Variants in CNTNAP2 observed in about 807,000 individuals in gnomAD.
CNTNAP2 encodes contactin-associated protein-like 2.
Under a neutral mutation model 155.2 loss-of-function variants are expected in CNTNAP2, and 98 were observed. The observed-to-expected ratio is 0.63, with a 90% CI of 0.54 to 0.75. CNTNAP2 has a LOEUF of 0.75. CNTNAP2 is among the 30% of genes least tolerant of loss of function. CNTNAP2 has a pLI of 0.00. For synonymous variants in CNTNAP2, 651 were observed against 631.2 expected (o/e 1.03, Z -0.47); for missense variants, 1,727 against 1,688.1 (o/e 1.02, Z -0.40).
chr7:147,626,049 T>C (rs537388813), intron 12 of CNTNAP2, among the ~76,000 whole-genome samples: 1 of 152,150 alleles, frequency 6.6e-6, no homozygotes, highest in Admixed American at 6.5e-5. Context: ...TCTGATGATA[T>C]CTTATAGGGG....
chr7:147,221,232 T>C (rs1563121824), intron 8 of CNTNAP2, among the ~76,000 whole-genome samples: 1 of 152,156 alleles, frequency 6.6e-6, no homozygotes, highest in Non-Finnish European at 1.5e-5. Flanking sequence ...ACACAATATA[T>C]ACATTAAGTA....
intron 1 of CNTNAP2, among the ~76,000 whole-genome samples, chr7:146,613,475 C>T (rs1799172978): frequency 6.6e-6 from 1 of 152,120 alleles, no homozygotes; most frequent in Admixed American, 6.5e-5. Context: ...ATTCAATTAA[C>T]ATGTGTTCTA....
At chr7:146,743,090 T>G (rs1030743216) in intron 1 of CNTNAP2, among the ~76,000 whole-genome samples, 2 of 152,178 alleles carry the variant, frequency 1.3e-5, no homozygotes, top group Admixed American at 1.3e-4. Flanking sequence ...TTCATGCTAT[T>G]TCTTTTCTGG....
rs200378373 is a variant in CNTNAP2 at position 146,810,473 on chromosome 7, TA to T, written c.209-29237del. Reference sequence around the variant, plus strand: ...TTATCATGGGAACATTTTCTTAGTTTATGTAGATTTTATATGTAGATTTCGT... The same window carrying T: ...TTATCATGGGAACATTTTCTTAGTTTTGTAGATTTTATATGTAGATTTCGT... On this transcript the variant is annotated intron_variant, in intron 2 of 23. Coordinates refer to ENST00000361727, the MANE Select transcript of CNTNAP2 (RefSeq NM_014141.6). 1.2e-4 allele frequency among the ~76,000 whole-genome samples: 18 copies of T among 152,228 alleles called. No individual in the cohort carries two copies. The East Asian group carries it at 3.5e-3, about 29-fold the overall frequency.
intron 16 of CNTNAP2, among the ~76,000 whole-genome samples, chr7:148,143,067 C>G (rs1293644684): frequency 6.6e-6 from 1 of 152,066 alleles, no homozygotes; most frequent in Non-Finnish European, 1.5e-5. Flanking sequence ...CTAAAATTAC[C>G]ATTAAGACCA....
At chr7:147,791,625 AAC>A (rs1797821103) in intron 13 of CNTNAP2, among the ~76,000 whole-genome samples, 1 of 152,068 alleles carries the variant, frequency 6.6e-6, no homozygotes, top group South Asian at 2.1e-4. Context: ...AGGACAATGC[AAC>A]ACAGTTTGCA....
chr7:146,386,718 T>G (rs1369633441), intron 1 of CNTNAP2, among the ~76,000 whole-genome samples: 1 of 152,228 alleles, frequency 6.6e-6, no homozygotes, highest in Non-Finnish European at 1.5e-5. Flanking sequence ...GTTATTGTCT[T>G]TATTGTAAAT....
intron 8 of CNTNAP2, among the ~76,000 whole-genome samples, chr7:147,273,220 G>T (rs13235260): frequency 6.6e-6 from 1 of 151,960 alleles, no homozygotes; most frequent in Admixed American, 6.5e-5. Context: ...TACAGTCTAC[G>T]TTGAGGGGTT....
At chr7:146,728,399 G>A (rs1801468711) in intron 1 of CNTNAP2, among the ~76,000 whole-genome samples, 1 of 152,016 alleles carries the variant, frequency 6.6e-6, no homozygotes, top group African/African-American at 2.4e-5. Context: ...GATGTTTATT[G>A]CAAATAATGC....
At chr7:148,101,385 GTGTGTGT>G (rs754620609) in intron 15 of CNTNAP2, among the ~76,000 whole-genome samples, 1 of 142,958 alleles carries the variant, frequency 7.0e-6, no homozygotes, top group Admixed American at 7.2e-5. Context: ...GTGTGTGTGT[GTGTGTGT>G]GGTGTTCTAC....
At chr7:148,382,709 G>A (rs528589426) in intron 21 of CNTNAP2, among the ~76,000 whole-genome samples, 3 of 152,274 alleles carry the variant, frequency 2.0e-5, no homozygotes, top group Non-Finnish European at 4.4e-5. Flanking sequence ...GGGTTGATGC[G>A]GCACTTGCTC....
At chr7:147,155,878 T>C (rs1213929274) in intron 8 of CNTNAP2, among the ~76,000 whole-genome samples, 1 of 152,048 alleles carries the variant, frequency 6.6e-6, no homozygotes, top group Non-Finnish European at 1.5e-5. Context: ...GGAGCTTAGA[T>C]CAGACCTCTG....
intron 12 of CNTNAP2, among the ~76,000 whole-genome samples, chr7:147,633,923 G>A (rs1795132608): frequency 6.6e-6 from 1 of 152,094 alleles, no homozygotes; most frequent in Non-Finnish European, 1.5e-5. Flanking sequence ...CCTTATTCCT[G>A]CAAGAATGGC....
At chr7:146,763,931 A>T (rs1013120871) in intron 1 of CNTNAP2, among the ~76,000 whole-genome samples, 1 of 152,194 alleles carries the variant, frequency 6.6e-6, no homozygotes, top group Non-Finnish European at 1.5e-5. Flanking sequence ...ATCTGAAGTT[A>T]CTTAAGCCAA....
chr7:146,761,227 A>G (rs1033666722), intron 1 of CNTNAP2, among the ~76,000 whole-genome samples: 1 of 152,156 alleles, frequency 6.6e-6, no homozygotes, highest in African/African-American at 2.4e-5. Flanking sequence ...TAGTAGAGTC[A>G]GATATTAAAC....
chr7:146,791,114 C>T (rs1802666779), intron 2 of CNTNAP2, among the ~76,000 whole-genome samples: 1 of 151,864 alleles, frequency 6.6e-6, no homozygotes, highest in South Asian at 2.1e-4. Flanking sequence ...GTCCCCCTCC[C>T]TGTGTCCGAT....
intron 1 of CNTNAP2, among the ~76,000 whole-genome samples, chr7:146,737,006 T>C (rs1199904731): frequency 6.6e-6 from 1 of 152,120 alleles, no homozygotes; most frequent in East Asian, 1.9e-4. Flanking sequence ...TTACTTTCTA[T>C]TGTGAAAGGA....
At chr7:147,436,901 T>C (rs1293964675) in intron 10 of CNTNAP2, among the ~76,000 whole-genome samples, 5 of 152,152 alleles carry the variant, frequency 3.3e-5, no homozygotes, top group Non-Finnish European at 7.4e-5. Context: ...ATTCCAGGGT[T>C]TTAAAACTGA....
At chr7:146,849,101 A>T (rs1045370936) in intron 3 of CNTNAP2, among the ~76,000 whole-genome samples, 7 of 152,048 alleles carry the variant, frequency 4.6e-5, no homozygotes, top group African/African-American at 1.4e-4. Flanking sequence ...TTTTTAAAAT[A>T]AAAAAAACTC....
Sources: gnomAD v4.1 joint callset for allele counts (sites outside exome capture counted in the v4.1 genomes callset) on GRCh38, gnomAD v4.1.1 for gene constraint, MANE v1.5 for transcripts, NCBI Gene and HGNC (gene_info 2026-07-23, HGNC 2026-07-21) for gene names.